Variants in SLC2A7 observed in about 807,000 individuals in gnomAD.
The protein encoded by SLC2A7 is solute carrier family 2 member 7.
SLC2A7 carries 50 observed loss-of-function variants against 50.5 expected under a neutral mutation model. That is an observed-to-expected ratio of 0.99 (90% confidence interval 0.79 to 1.25). The LOEUF (loss-of-function observed/expected upper bound fraction) is 1.25, where lower values mean the gene tolerates loss of function less well. SLC2A7 is among the 50% of genes most tolerant of loss of function. The probability of loss-of-function intolerance (pLI) is 0.00; values close to 1 mark genes in which losing one functional copy is unlikely to be tolerated. For synonymous variants in SLC2A7, 308 were observed against 300.4 expected (o/e 1.03, Z -0.26); for missense variants, 683 against 679.1 (o/e 1.01, Z -0.06).
chr1:9,019,785 G>A (rs886484935), intron 3 of SLC2A7, among the ~76,000 whole-genome samples: 3 of 152,232 alleles, frequency 2.0e-5, no homozygotes, highest in East Asian at 1.9e-4. Flanking sequence ...TCAGCCAGGC[G>A]TGGTGGCACA....
In SLC2A7 at chr1:9,007,370, G is replaced by T; in HGVS notation, c.1132C>A (p.Leu378Met). 1 of 1,614,212 alleles carries T rather than the reference G, an allele frequency of 6.2e-7. No homozygotes were observed. The highest frequency in any genetic ancestry group is 8.5e-7 in the Non-Finnish European group (1 of 1,180,028). ...VLLFQNRVPE[L>M]SYLGIICVFA... Reference sequence around the variant, plus strand: ...ACACAGATGATGCCGAGGTAGGACAGCTCGGGGACCCTGTTCTGTGGGGAG... The same window carrying T: ...ACACAGATGATGCCGAGGTAGGACATCTCGGGGACCCTGTTCTGTGGGGAG... Residue 378 changes from leucine (L) to methionine (M), a missense_variant, in exon 10 of 12, where the codon CTG becomes ATG. Physicochemically the swap from Leu to Met is conservative, Grantham distance 15 (BLOSUM62 2). Transcript: ENST00000400906.
At chr1:9,025,419 G>T (rs1195560998) in intron 1 of SLC2A7, among the ~76,000 whole-genome samples, 1 of 152,180 alleles carries the variant, frequency 6.6e-6, no homozygotes, top group Non-Finnish European at 1.5e-5. Flanking sequence ...AGCCCACCCC[G>T]TCCAAGAAAG....
chr1:9,007,917 T>C (rs918055892), intron 9 of SLC2A7, among the ~76,000 whole-genome samples: 5 of 151,928 alleles, frequency 3.3e-5, no homozygotes, highest in African/African-American at 1.2e-4. Context: ...TTGTTTCAGT[T>C]CCACAATTGT....
In SLC2A7 at chr1:9,018,323, G is replaced by T; in HGVS notation, c.489C>A (p.Asn163Lys). The T allele has an allele frequency of 6.2e-7, 1 of 1,614,210 alleles. No homozygotes were observed. The highest frequency in any genetic ancestry group is 8.5e-7 in the Non-Finnish European group (1 of 1,180,044). Residue 163 changes from asparagine to lysine, a missense_variant, in exon 5 of 12, where the codon AAC becomes AAA. Physicochemically the swap from Asn to Lys is moderately conservative, Grantham distance 94 (BLOSUM62 0). Coordinates refer to ENST00000400906, the MANE Select transcript of SLC2A7 (RefSeq NM_207420.3). ...PMYLGELAPK[N>K]LRGMVGTMTE... ...TCATTGTTCCCACCATGCCTCTCAG[G>T]TTCTTGGGGGCCAGTTCTCCCAGGT...
intron 10 of SLC2A7, among the ~76,000 whole-genome samples, chr1:9,005,355 T>A (rs1197993251): frequency 2.0e-5 from 3 of 152,212 alleles, no homozygotes; most frequent in African/African-American, 7.2e-5. Context: ...ACAACTGTTT[T>A]TCATTATCGC....
chr1:9,014,317 T>G (rs1310179071), intron 7 of SLC2A7, among the ~76,000 whole-genome samples: 1 of 152,190 alleles, frequency 6.6e-6, no homozygotes, highest in Non-Finnish European at 1.5e-5. Flanking sequence ...CACAGACAAG[T>G]GGGCCCAAGA....
At position 9,019,319 on chromosome 1, in the gene SLC2A7, A is replaced by G; in HGVS notation, c.326T>C (p.Leu109Pro). ...VDSCGRKGTL[L>P]INNIFAIIPA... ...GATGATGGCAAAGATGTTGTTGATC[A>G]GCAGGGTCCCCTTTCTGCAAAGACA... The change falls in exon 4 of 12, where the codon CTG (leucine) becomes CCG (proline). Residue 109 changes from leucine to proline, a missense_variant. By Grantham distance (98) the Leu-to-Pro change is moderately conservative. Transcript: ENST00000400906. The G allele has an allele frequency of 6.2e-7, 1 of 1,614,096 alleles. No individual in the cohort carries two copies. The highest frequency in any genetic ancestry group is 2.2e-5 in the East Asian group (1 of 44,880).
the SLC2A7 span, among the ~76,000 whole-genome samples, chr1:8,994,254 C>G: frequency 6.6e-6 from 1 of 152,218 alleles, no homozygotes; most frequent in Non-Finnish European, 1.5e-5. Context: ...TCCTGGGAAC[C>G]TTGGCCTGTG....
intron 8 of SLC2A7, among the ~76,000 whole-genome samples, chr1:9,011,540 C>G (rs984354751): frequency 6.6e-6 from 1 of 151,888 alleles, no homozygotes; most frequent in Admixed American, 6.6e-5. Flanking sequence ...TAGCCCCCTC[C>G]TATTCTCTGG....
chr1:9,011,746 C>CA, intron 8 of SLC2A7, among the ~76,000 whole-genome samples: 1 of 93,256 alleles, frequency 1.1e-5, no homozygotes, highest in African/African-American at 4.6e-5. Flanking sequence ...TCTTCTTCTT[C>CA]TTTTTTTTTT....
chr1:8,994,020 A>G, the SLC2A7 span, among the ~76,000 whole-genome samples: 8 of 152,252 alleles, frequency 5.3e-5, no homozygotes, highest in East Asian at 1.3e-3. Context: ...TGACTCCTGC[A>G]TTAATAGATA....
intron 5 of SLC2A7, among the ~76,000 whole-genome samples, chr1:9,017,417 A>G (rs1005847416): frequency 0.013 from 1 of 76 alleles, no homozygotes; most frequent in Non-Finnish European, 0.024. Flanking sequence ...AAGGCCCCCT[A>G]TTCTGCAGAG....
chr1:8,995,605 C>T, the SLC2A7 span, among the ~76,000 whole-genome samples: 11 of 151,948 alleles, frequency 7.2e-5, no homozygotes, highest in African/African-American at 2.7e-4. Flanking sequence ...ATTAGCCAGG[C>T]ACGGTGGCAG....
At position 9,015,122 on chromosome 1, in the gene SLC2A7, C is replaced by T. The variant is rs765375567; in HGVS notation, c.710G>A (p.Arg237Gln). The T allele has an allele frequency of 1.4e-5, 22 of 1,613,032 alleles. No individual in the cohort carries two copies. Among genetic ancestry groups the T allele is most frequent in the East Asian group, 2.2e-5 (1 of 44,878 alleles). ...AGTAGCCGGCGACTTCATACCTTGT[C>T]GCGCTGTGGCTTCATCTCCTTTCTG... ...LIQKGDEATA[R>Q]QALRRLRGHT... Residue 237 changes from arginine to glutamine, a missense_variant, in exon 6 of 12, where the codon CGA becomes CAA. Arg to Gln is a conservative substitution (Grantham distance 43, BLOSUM62 1). Transcript: ENST00000400906.
At chr1:8,992,659 C>T in the SLC2A7 span, among the ~76,000 whole-genome samples, 5 of 152,172 alleles carry the variant, frequency 3.3e-5, no homozygotes, top group Non-Finnish European at 7.4e-5. Flanking sequence ...CAAGTTTTAG[C>T]AACACAGGGA....
At chr1:9,022,663 TG>T (rs1640928415) in intron 3 of SLC2A7, among the ~76,000 whole-genome samples, 1 of 107,986 alleles carries the variant, frequency 9.3e-6, no homozygotes, top group Admixed American at 1.1e-4. Flanking sequence ...TCAAGAACCT[TG>T]ATCTCAAAGG....
In SLC2A7 at chr1:9,013,509, C is replaced by A. The variant is rs1395716993; in HGVS notation, c.1014+16G>T. The stretch of plus-strand genomic sequence containing the variant: ...CAGAGACCCTCCAGCAGGAAGGATG[C>A]CTCCTGCTCACTCACCGAGGTGATG... On this transcript the variant is annotated intron_variant, in intron 8 of 11. Transcript: ENST00000400906. The A allele has an allele frequency of 6.2e-7, 1 of 1,608,328 alleles. No homozygotes were observed. The highest frequency in any genetic ancestry group is 8.5e-7 in the Non-Finnish European group (1 of 1,176,316).
chr1:9,002,768 A>T (rs1182035021), downstream of SLC2A7, among the ~76,000 whole-genome samples: 1 of 152,130 alleles, frequency 6.6e-6, no homozygotes, highest in Non-Finnish European at 1.5e-5. Context: ...ATCCCACCTG[A>T]CGAGAAATAC....
intron 9 of SLC2A7, 46 bp from the exon 10 acceptor site, chr1:9,007,431 C>T (rs574592840): frequency 1.7e-4 from 277 of 1,595,208 alleles, no homozygotes; most frequent in Non-Finnish European, 2.0e-4. Flanking sequence ...AGGAGCCCCA[C>T]GTGCGGGGGG....
Sources: allele counts gnomAD v4.1 joint callset (sites outside exome capture counted in the v4.1 genomes callset), GRCh38; gene constraint gnomAD v4.1.1; transcripts MANE v1.5; gene names NCBI Gene and HGNC (gene_info 2026-07-23, HGNC 2026-07-21).